The following IL7R variants were observed in gnomAD, a reference collection of about 807,000 sequenced individuals.
IL7R encodes interleukin-7 receptor subunit alpha.
In IL7R, 38 loss-of-function variants were observed where a neutral mutation model predicts 47.0. The ratio of observed to expected loss-of-function variants is 0.81; its 90% confidence interval spans 0.62 to 1.06. The LOEUF (loss-of-function observed/expected upper bound fraction) is 1.06, where lower values mean the gene tolerates loss of function less well. Ranked by LOEUF, IL7R falls within the 50% of genes least tolerant of loss-of-function variation. The pLI, the probability that IL7R is intolerant of heterozygous loss-of-function variation, is 0.00. For missense variants in IL7R, 633 were observed against 534.8 expected (o/e 1.18, Z -1.81); for synonymous variants, 221 against 199.8 (o/e 1.11, Z -0.89).
At chr5:35,859,918 G>T (rs967421203) in intron 1 of IL7R, among the ~76,000 whole-genome samples, 1 of 150,098 alleles carries the variant, frequency 6.7e-6, no homozygotes, top group Non-Finnish European at 1.5e-5. Flanking sequence ...AGGTCCCAGT[G>T]GGTGTATATT....
chr5:35,868,460 C>A lies in IL7R; in HGVS notation c.379+997C>A, dbSNP rs11567739. Among the ~76,000 whole-genome samples the A allele has an allele frequency of 6.1e-3, 933 of 152,208 alleles. 13 individuals are homozygous for A. Among genetic ancestry groups the A allele is most frequent in the African/African-American group, 0.021 (892 of 41,520 alleles). On this transcript the variant is annotated intron_variant, in intron 3 of 7. Coordinates refer to ENST00000303115, the MANE Select transcript of IL7R (RefSeq NM_002185.5). The stretch of plus-strand genomic sequence containing the variant: ...TGTGAACAATTAACTTGTGAAAAGG[C>A]AAATGTAGTAGAAAAGAGACATTAG...
At position 35,875,568 on chromosome 5, in the gene IL7R, T is replaced by C; in HGVS notation, c.857T>C (p.Leu286Pro). The change falls in exon 7 of 8, where the codon CTT (leucine) becomes CCT (proline). Residue 286 changes from leucine (L) to proline (P), a missense_variant. Coordinates refer to ENST00000303115, the MANE Select transcript of IL7R (RefSeq NM_002185.5). ...GATCATAAGAAGACTCTGGAACATC[T>C]TTGTAAGAAACCAAGAAAAGTGAGT... is the stretch of plus-strand genomic sequence containing the variant. Reference protein sequence around the residue: ...LPDHKKTLEHLCKKPRKNLNV... With the variant: ...LPDHKKTLEHPCKKPRKNLNV... 6.2e-7 allele frequency: 1 copy of C among 1,613,392 alleles called. No individual in the cohort carries two copies.
Position 35,878,038 on chromosome 5 carries a change from G to A in IL7R, c.*1552G>A, listed in dbSNP as rs10053847. ...GTTTTTACTTTATTTAGGGGGACTA[G>A]GTGTTTCTGATATTTTAGTTTTCTT... On this transcript the variant is annotated 3_prime_UTR_variant, in exon 8 of 8. Transcript: ENST00000303115. 30,832 of 233,196 alleles carry A rather than the reference G, an allele frequency of 0.13. 2,077 individuals are homozygous for A. Among genetic ancestry groups the A allele is most frequent in the Admixed American group, 0.15 (2,587 of 17,784 alleles). 14.4% of individuals were successfully genotyped at this position (233,196 alleles called of 1,614,324 possible).
intron 3 of IL7R, 109 bp downstream of exon 3, chr5:35,867,572 A>G (rs1759971729): frequency 1.2e-6 from 1 of 823,698 alleles, no homozygotes; most frequent in Non-Finnish European, 2.1e-6. Flanking sequence ...ACAACTGGCA[A>G]TAGATAATAG....
intron 2 of IL7R, among the ~76,000 whole-genome samples, chr5:35,864,448 G>A (rs1447299421): frequency 2.6e-5 from 4 of 152,070 alleles, no homozygotes; most frequent in Non-Finnish European, 2.9e-5. Flanking sequence ...ATAAGAAACC[G>A]CCCAACAGTT....
chr5:35,859,474 C>A (rs940881207), intron 1 of IL7R, among the ~76,000 whole-genome samples: 1 of 152,076 alleles, frequency 6.6e-6, no homozygotes, highest in Non-Finnish European at 1.5e-5. Flanking sequence ...AGAAGGAGGG[C>A]CATACCCTGC....
At chr5:35,861,473 G>C (rs1365439488) in intron 2 of IL7R, among the ~76,000 whole-genome samples, 1 of 152,146 alleles carries the variant, frequency 6.6e-6, no homozygotes, top group Non-Finnish European at 1.5e-5. Context: ...TGCCTCACAG[G>C]AAGGCTGTGA....
rs2149905925 is a variant in IL7R, at chr5:35,876,278, G to A, written c.1172G>A (p.Arg391Lys). ...ILSSSRSLDCRESGKNGPHVY... is the reference protein window; with the variant it reads ...ILSSSRSLDCKESGKNGPHVY... ...TCCTCTTCCAGGTCCCTAGACTGCA[G>A]GGAGAGTGGCAAGAATGGGCCTCAT... is the stretch of plus-strand genomic sequence containing the variant. The change falls in exon 8 of 8, where the codon AGG becomes AAG. Residue 391 changes from arginine (R) to lysine (K), a missense_variant. Physicochemically the swap from Arg to Lys is conservative, Grantham distance 26 (BLOSUM62 2). Coordinates refer to ENST00000303115, the MANE Select transcript of IL7R (RefSeq NM_002185.5). The A allele has an allele frequency of 6.2e-7, 1 of 1,614,082 alleles. No individual in the cohort carries two copies. Among genetic ancestry groups the A allele is most frequent in the South Asian group, 1.1e-5 (1 of 91,084 alleles).
chr5:35,867,704 C>T, intron 3 of IL7R: 1 of 610,918 alleles, frequency 1.6e-6, no homozygotes. Flanking sequence ...TGCAAACCTA[C>T]ATGAAGTGGC....
At chr5:35,873,130 A>C (rs138601112) in intron 4 of IL7R, 1 of 294,300 alleles carries the variant, frequency 3.4e-6, no homozygotes, top group African/African-American at 2.1e-5. Context: ...ATTCCTGCTC[A>C]CTAACCTAAC....
intron 2 of IL7R, among the ~76,000 whole-genome samples, chr5:35,865,680 T>C (rs554380929): frequency 6.6e-6 from 1 of 152,188 alleles, no homozygotes; most frequent in Non-Finnish European, 1.5e-5. Context: ...TATGTCATTG[T>C]GGTTTTGATT....
Position 35,867,385 on chromosome 5 carries a change from C to T in IL7R, c.301C>T (p.Leu101=), listed in dbSNP as rs772953676. The T allele has an allele frequency of 8.7e-6, 14 of 1,613,100 alleles. No homozygotes were observed. The highest frequency in any genetic ancestry group is 3.3e-5 in the South Asian group (3 of 91,054). Residue 101 remains leucine, a synonymous_variant, in exon 3 of 8, where the codon CTG becomes TTG. Coordinates refer to ENST00000303115, the MANE Select transcript of IL7R (RefSeq NM_002185.5). ...TTTCATCGAGACAAAGAAATTCTTA[C>T]TGATTGGAAAGAGCAATATATGTGT... ...IYFIETKKFL[L]IGKSNICVKV...
chr5:35,872,164 T>G (rs1192239939), intron 4 of IL7R, among the ~76,000 whole-genome samples: 1 of 152,164 alleles, frequency 6.6e-6, no homozygotes, highest in African/African-American at 2.4e-5. Flanking sequence ...GCCAGGACAA[T>G]TAGTTAACTA....
Position 35,863,862 on chromosome 5 carries a change from C to T in IL7R, c.221+2872C>T, listed in dbSNP as rs935927751. Among the ~76,000 whole-genome samples, 16 of 152,168 alleles carry T rather than the reference C, an allele frequency of 1.1e-4. 1 individual carries two copies. Among genetic ancestry groups the T allele is most frequent in the South Asian group, 8.3e-4 (4 of 4,816 alleles). On this transcript the variant is annotated intron_variant, in intron 2 of 7. Coordinates refer to ENST00000303115, the MANE Select transcript of IL7R (RefSeq NM_002185.5). ...ACTTCTTTAATTTTTACATTATTTA[C>T]TTATTTTTCTTTGCTTTCTTGTTTG...
chr5:35,864,061 C>A (rs1424577303), intron 2 of IL7R, among the ~76,000 whole-genome samples: 1 of 152,062 alleles, frequency 6.6e-6, no homozygotes, highest in Non-Finnish European at 1.5e-5. Flanking sequence ...ACCCCAGGAG[C>A]AATCATAATT....
chr5:35,879,592 T>C lies in IL7R; in HGVS notation c.*3106T>C, dbSNP rs929305579. 8 of 213,976 alleles carry C rather than the reference T, an allele frequency of 3.7e-5. No individual in the cohort carries two copies. Among genetic ancestry groups the C allele is most frequent in the African/African-American group, 6.8e-5 (3 of 44,258 alleles). The allele number at this position is 213,976 out of a possible 1,614,324, so 13.3% of individuals were successfully genotyped here. A position where few individuals can be genotyped will look rare whatever the true frequency, so the allele number is the denominator to read the frequency against. ...AACCATCTCATATTTAATTAAATGG[T>C]ATAGAAGAACACTTTGTGGCATGCC... On this transcript the variant is annotated 3_prime_UTR_variant, in exon 8 of 8. Transcript: ENST00000303115.
chr5:35,863,968 C>T (rs11567718), intron 2 of IL7R, among the ~76,000 whole-genome samples: 1 of 152,020 alleles, frequency 6.6e-6, no homozygotes, highest in Admixed American at 6.6e-5. Context: ...TGTCTATGAC[C>T]TGTAGCCATT....
intron 1 of IL7R, among the ~76,000 whole-genome samples, chr5:35,857,907 T>C (rs1295492651): frequency 6.6e-6 from 1 of 152,162 alleles, no homozygotes; most frequent in Non-Finnish European, 1.5e-5. Context: ...CTATAGACAA[T>C]ATCAAACACA....
intron 4 of IL7R, among the ~76,000 whole-genome samples, chr5:35,872,452 C>T (rs1340229262): frequency 3.4e-5 from 5 of 146,836 alleles, no homozygotes; most frequent in Admixed American, 3.4e-4. Context: ...CCCACCTCAG[C>T]CTCCCAAAGT....
Sources: allele counts gnomAD v4.1 joint callset (sites outside exome capture counted in the v4.1 genomes callset), GRCh38; gene constraint gnomAD v4.1.1; transcripts MANE v1.5; gene names NCBI Gene and HGNC (gene_info 2026-07-23, HGNC 2026-07-21).